Variants in PRKG1 observed in about 807,000 individuals in gnomAD.
PRKG1 encodes the protein cGMP-dependent protein kinase 1.
Under a neutral mutation model 88.1 loss-of-function variants are expected in PRKG1, and 35 were observed. That is an observed-to-expected ratio of 0.40 (90% CI 0.30 to 0.53). PRKG1 has a LOEUF of 0.53. Among genes scored for constraint, PRKG1 ranks in the 20% least tolerant of loss-of-function variants. The pLI is 0.59. For missense variants in PRKG1, 540 were observed against 839.8 expected, an observed-to-expected ratio of 0.64 and a Z score of 4.41; for synonymous variants, 303 against 292.5, an observed-to-expected ratio of 1.04 and a Z score of -0.37.
chr10:51,031,489 A>T (rs1843282572), intron 1 of PRKG1, among the ~76,000 whole-genome samples: 1 of 152,206 alleles, frequency 6.6e-6, no homozygotes. Context: ...ATTATTTATT[A>T]TCTAGACCCA....
At chr10:51,482,197 C>T (rs1201397009) in intron 3 of PRKG1, among the ~76,000 whole-genome samples, 1 of 152,164 alleles carries the variant, frequency 6.6e-6, no homozygotes, top group African/African-American at 2.4e-5. Flanking sequence ...GAGGCATGGA[C>T]TTTAAACTCA....
intron 2 of PRKG1, among the ~76,000 whole-genome samples, chr10:51,324,472 G>T (rs1841532600): frequency 6.6e-6 from 1 of 151,990 alleles, no homozygotes; most frequent in South Asian, 2.1e-4. Context: ...TGTGGGCCGG[G>T]CGCGGTGGCT....
At chr10:51,150,329 G>A (rs774771098) in intron 1 of PRKG1, among the ~76,000 whole-genome samples, 2 of 152,062 alleles carry the variant, frequency 1.3e-5, no homozygotes, top group Admixed American at 1.3e-4. Context: ...GAAAGAAAGG[G>A]ATTCAAAGAA....
At chr10:51,489,406 C>A (rs778704819) in intron 3 of PRKG1, among the ~76,000 whole-genome samples, 2 of 152,084 alleles carry the variant, frequency 1.3e-5, no homozygotes, top group Admixed American at 6.6e-5. Flanking sequence ...GCATGAACTG[C>A]GAGATCACTG....
At chr10:51,597,966 TAGA>T (rs1356943052) in intron 3 of PRKG1, among the ~76,000 whole-genome samples, 3 of 152,114 alleles carry the variant, frequency 2.0e-5, no homozygotes, top group African/African-American at 7.2e-5. Flanking sequence ...AAAAAAACTC[TAGA>T]AGGAGATATA....
chr10:51,913,943 A>T (rs1401327436), intron 5 of PRKG1, among the ~76,000 whole-genome samples: 1 of 152,166 alleles, frequency 6.6e-6, no homozygotes, highest in Non-Finnish European at 1.5e-5. Context: ...TATGTATTTG[A>T]ATTAATTGAA....
chr10:51,576,346 A>G (rs1163128219), intron 3 of PRKG1, among the ~76,000 whole-genome samples: 1 of 151,934 alleles, frequency 6.6e-6, no homozygotes, highest in East Asian at 1.9e-4. Context: ...CCATGTTGTT[A>G]TGTACACTAC....
At chr10:51,821,621 T>A (rs927575754) in intron 4 of PRKG1, among the ~76,000 whole-genome samples, 1 of 152,120 alleles carries the variant, frequency 6.6e-6, no homozygotes, top group African/African-American at 2.4e-5. Flanking sequence ...CACGTTGACC[T>A]ATATATTTAT....
At chr10:51,670,865 G>A (rs1840556442) in intron 3 of PRKG1, among the ~76,000 whole-genome samples, 1 of 151,792 alleles carries the variant, frequency 6.6e-6, no homozygotes, top group Non-Finnish European at 1.5e-5. Context: ...GAATAATACT[G>A]AATAACTAAG....
At chr10:51,993,054 G>A (rs759556349) in intron 5 of PRKG1, among the ~76,000 whole-genome samples, 19 of 152,188 alleles carry the variant, frequency 1.2e-4, no homozygotes, top group Middle Eastern at 3.4e-3. Flanking sequence ...ATCTGAATGA[G>A]ACATAATATA....
chr10:52,282,873 CA>C (rs1296503417), intron 14 of PRKG1, among the ~76,000 whole-genome samples: 2 of 152,068 alleles, frequency 1.3e-5, no homozygotes, highest in South Asian at 4.1e-4. Flanking sequence ...CAGTGAGTGA[CA>C]GGGGTGTTAT....
intron 5 of PRKG1, among the ~76,000 whole-genome samples, chr10:52,010,006 T>G (rs2133167564): frequency 6.6e-6 from 1 of 152,246 alleles, no homozygotes; most frequent in African/African-American, 2.4e-5. Flanking sequence ...GCTTCCATCT[T>G]ATATCAAAAA....
chr10:51,604,609 GA>G (rs765565813), intron 3 of PRKG1, among the ~76,000 whole-genome samples: 21 of 152,186 alleles, frequency 1.4e-4, no homozygotes, highest in Non-Finnish European at 2.6e-4. Context: ...TATCCAAAAC[GA>G]TTTCACAGAA....
At chr10:51,147,383 A>G (rs1845969044) in intron 1 of PRKG1, among the ~76,000 whole-genome samples, 1 of 152,186 alleles carries the variant, frequency 6.6e-6, no homozygotes, top group Non-Finnish European at 1.5e-5. Flanking sequence ...GTATGAAAAT[A>G]TCACTCTGTA....
At chr10:51,078,778 G>A (rs1037659348) in intron 1 of PRKG1, among the ~76,000 whole-genome samples, 8 of 151,512 alleles carry the variant, frequency 5.3e-5, no homozygotes, top group South Asian at 2.1e-4. Context: ...CACCACGCCC[G>A]GCTAATTTTT....
chr10:51,732,961 G>A (rs1837158664), intron 3 of PRKG1, among the ~76,000 whole-genome samples: 1 of 152,016 alleles, frequency 6.6e-6, no homozygotes, highest in Non-Finnish European at 1.5e-5. Flanking sequence ...GTCCAGTTCT[G>A]GTGAGGATCT....
At chr10:51,159,421 A>T (rs1846306347) in intron 2 of PRKG1, among the ~76,000 whole-genome samples, 1 of 152,166 alleles carries the variant, frequency 6.6e-6, no homozygotes, top group Non-Finnish European at 1.5e-5. Context: ...GAATCGTTGA[A>T]ATACAAATGT....
At chr10:51,620,566 C>CATT (rs142304711) in intron 3 of PRKG1, among the ~76,000 whole-genome samples, 6,099 of 152,124 alleles carry the variant, frequency 0.04, 172 homozygotes, top group Middle Eastern at 0.088. Flanking sequence ...CATTGTTAAA[C>CATT]ATTATACATC....
At chr10:51,147,061 C>CTCACTATAATATAATATAA (rs1845962423) in intron 1 of PRKG1, among the ~76,000 whole-genome samples, 1 of 152,066 alleles carries the variant, frequency 6.6e-6, no homozygotes, top group Non-Finnish European at 1.5e-5. Context: ...ATAAATACTG[C>CTCACTATAATATAATATAA]ATGTTCTCAC....
Sources: allele counts gnomAD v4.1 joint callset (sites outside exome capture counted in the v4.1 genomes callset), GRCh38; gene constraint gnomAD v4.1.1; transcripts MANE v1.5; gene names NCBI Gene and HGNC (gene_info 2026-07-23, HGNC 2026-07-21).